Variants in AHCY observed in about 807,000 individuals in gnomAD.
The protein encoded by AHCY is adenosylhomocysteinase, also known as S-adenosyl-L-homocysteine hydrolase.
Under a neutral mutation model 45.4 loss-of-function variants are expected in AHCY, and 24 were observed. The observed-to-expected ratio is 0.53, with a 90% CI of 0.38 to 0.74. AHCY has a LOEUF of 0.74. Among genes scored for constraint, AHCY ranks in the 30% least tolerant of loss-of-function variants. AHCY has a pLI of 0.00. For synonymous variants in AHCY, 245 were observed against 235.1 expected, an observed-to-expected ratio of 1.04 and a Z score of -0.39; for missense variants, 449 against 594.1, an observed-to-expected ratio of 0.76 and a Z score of 2.54.
intron 9 of AHCY, 110 bp downstream of exon 9, chr20:34,285,330 G>A (rs1235848105): frequency 1.7e-6 from 2 of 1,185,050 alleles, no homozygotes; most frequent in East Asian, 2.4e-5. Flanking sequence ...CCCCATGAGG[G>A]CCTCTAAGAG....
the AHCY span, among the ~76,000 whole-genome samples, chr20:34,261,388 C>A: frequency 2.0e-5 from 3 of 152,188 alleles, no homozygotes; most frequent in Non-Finnish European, 4.4e-5. Flanking sequence ...AATCCCAGCA[C>A]TTTCGTAGGC....
chr20:34,295,767 G>A (rs949437072), intron 1 of AHCY, among the ~76,000 whole-genome samples, 182 bp from the exon 2 acceptor site: 5 of 152,192 alleles, frequency 3.3e-5, no homozygotes, highest in African/African-American at 7.2e-5. Flanking sequence ...AGAAAGACAC[G>A]GTCCCTGCCT....
the AHCY span, among the ~76,000 whole-genome samples, chr20:34,237,697 G>A: frequency 1.3e-5 from 2 of 152,278 alleles, no homozygotes; most frequent in East Asian, 3.9e-4. Context: ...TTTGAGTAGA[G>A]GTGGTGAAAG....
At chr20:34,264,789 A>T in the AHCY span, among the ~76,000 whole-genome samples, 45 of 104,182 alleles carry the variant, frequency 4.3e-4, 1 homozygote, top group Admixed American at 1.5e-3. Flanking sequence ...AGTTTACTTC[A>T]TTTTTTTTTT....
In AHCY at chr20:34,285,476, G is replaced by A. The variant is rs767883468; in HGVS notation, c.1131C>T (p.Asp377=). ...GGAAATGAACCCCAACGGGGTACTT[G>A]TCTGGATGGGTCCACAGCTCGATCT... is the stretch of plus-strand genomic sequence containing the variant. The part of the protein sequence containing the change: ...MAQIELWTHP[D]KYPVGVHFLP... The change falls in exon 9 of 10, where the codon GAC becomes GAT. Residue 377 remains aspartate (D), a synonymous_variant. Coordinates refer to ENST00000217426, the MANE Select transcript of AHCY (RefSeq NM_000687.4). 5.0e-6 allele frequency: 8 copies of A among 1,614,092 alleles called. No individual in the cohort carries two copies. The highest frequency in any genetic ancestry group is 6.8e-6 in the Non-Finnish European group (8 of 1,179,944).
At chr20:34,306,298 C>T (rs1406905386), upstream of AHCY, among the ~76,000 whole-genome samples, 4 of 151,884 alleles carry the variant, frequency 2.6e-5, no homozygotes, top group South Asian at 8.3e-4. Flanking sequence ...TATGCAACCT[C>T]TCTAGCAGCA....
intron 3 of AHCY, among the ~76,000 whole-genome samples, chr20:34,292,956 C>T (rs819157): frequency 0.72 from 109,277 of 151,738 alleles, 43,866 homozygotes; most frequent in Non-Finnish European, 0.89. Context: ...AGGATCCACA[C>T]GGCAGGATCC....
exon 1 of AHCY, chr20:34,311,637 C>G (rs866624056): frequency 6.6e-6 from 1 of 152,494 alleles, no homozygotes; most frequent in African/African-American, 2.4e-5. Context: ...GCGTCTCACT[C>G]TGGATTAACT....
At chr20:34,293,066 T>C (rs535980194) in intron 3 of AHCY, among the ~76,000 whole-genome samples, 2 of 152,252 alleles carry the variant, frequency 1.3e-5, no homozygotes, top group African/African-American at 2.4e-5. Flanking sequence ...GCAGCTACCA[T>C]GTGTGGGGTA....
At chr20:34,306,180 A>G (rs1313059510), upstream of AHCY, among the ~76,000 whole-genome samples, 3 of 151,964 alleles carry the variant, frequency 2.0e-5, no homozygotes, top group East Asian at 3.8e-4. Context: ...GTGCTTTGAG[A>G]TATCAGCTAA....
chr20:34,258,902 A>G, the AHCY span, among the ~76,000 whole-genome samples: 1 of 133,392 alleles, frequency 7.5e-6, no homozygotes, highest in Non-Finnish European at 1.6e-5. Flanking sequence ...TATATAGTGT[A>G]TATATATATA....
chr20:34,289,636 C>T (rs945483850), intron 8 of AHCY, among the ~76,000 whole-genome samples: 2 of 152,056 alleles, frequency 1.3e-5, no homozygotes, highest in Non-Finnish European at 2.9e-5. Context: ...CGCCACCACA[C>T]CCGGCTAATT....
At chr20:34,252,364 CAT>C in the AHCY span, among the ~76,000 whole-genome samples, 148 of 152,224 alleles carry the variant, frequency 9.7e-4, 3 homozygotes, top group South Asian at 0.022. Flanking sequence ...AGCAGGGAAA[CAT>C]GTGAGCAAAG....
At chr20:34,303,928 G>A (rs2036862193), upstream of AHCY, among the ~76,000 whole-genome samples, 1 of 152,174 alleles carries the variant, frequency 6.6e-6, no homozygotes, top group South Asian at 2.1e-4. Flanking sequence ...TGAGCCTGGA[G>A]ATCGAGGCTG....
chr20:34,262,788 TC>T, the AHCY span: 1 of 1,610,710 alleles, frequency 6.2e-7, no homozygotes, highest in Non-Finnish European at 8.5e-7. Context: ...CAGCTCAACG[TC>T]CCCAGAAACA....
intron 3 of AHCY, 92 bp from the exon 4 acceptor site, chr20:34,292,599 C>A: frequency 3.2e-6 from 5 of 1,569,612 alleles, no homozygotes; most frequent in Non-Finnish European, 3.5e-6. Context: ...ACCTCCTTCC[C>A]AACTCCCATC....
chr20:34,232,007 T>A, the AHCY span, among the ~76,000 whole-genome samples: 1 of 152,188 alleles, frequency 6.6e-6, no homozygotes, highest in South Asian at 2.1e-4. Flanking sequence ...TTATTATTCA[T>A]CACACAGCAA....
Position 34,294,166 on chromosome 20 carries a change from C to A in AHCY, c.220-10G>T. 2 of 1,612,522 alleles carry A rather than the reference C, an allele frequency of 1.2e-6. No homozygotes were observed. Among genetic ancestry groups the A allele is most frequent in the Non-Finnish European group, 1.7e-6 (2 of 1,179,872 alleles). On this transcript the variant is annotated splice_polypyrimidine_tract_variant and intron_variant, in intron 2 of 9. Transcript: ENST00000217426. ...AGCTGGACCACTGCACCTAGAAGAG[C>A]CATCAAAACAAGGCTGTTGGTCACT...
the AHCY span, among the ~76,000 whole-genome samples, chr20:34,267,042 G>T: frequency 6.6e-6 from 1 of 152,150 alleles, no homozygotes; most frequent in Non-Finnish European, 1.5e-5. Flanking sequence ...GGCCTATTTT[G>T]TTGGCTGTAA....
Sources: gnomAD v4.1 joint callset for allele counts (sites outside exome capture counted in the v4.1 genomes callset) on GRCh38, gnomAD v4.1.1 for gene constraint, MANE v1.5 for transcripts, NCBI Gene and HGNC (gene_info 2026-07-23, HGNC 2026-07-21) for gene names.